Variants in ZNF337 observed in about 807,000 individuals in gnomAD.
ZNF337 encodes the protein zinc finger protein 337.
ZNF337 carries 8 observed loss-of-function variants against 12.1 expected under a neutral mutation model. The observed-to-expected ratio is 0.66, with a 90% CI of 0.39 to 1.19. ZNF337 has a LOEUF of 1.19. ZNF337 is among the 50% of genes most tolerant of loss of function. The pLI, the probability that ZNF337 is intolerant of heterozygous loss-of-function variation, is 0.01. For synonymous variants in ZNF337, 336 were observed against 320.0 expected (o/e 1.05, Z -0.53); for missense variants, 882 against 896.6 (o/e 0.98, Z 0.21).
At chr20:25,686,258 C>T (rs749135125) in intron 2 of ZNF337, 133 bp downstream of exon 2, 46 of 1,500,936 alleles carry the variant, frequency 3.1e-5, no homozygotes, top group Non-Finnish European at 3.4e-5. Flanking sequence ...TGCTGGAGGA[C>T]GCCAGGAAAG....
intron 4 of ZNF337, among the ~76,000 whole-genome samples, chr20:25,685,052 C>A (rs1569012494): frequency 6.6e-6 from 1 of 150,660 alleles, no homozygotes; most frequent in African/African-American, 2.5e-5. Context: ...ATGTAGCAAA[C>A]CAACATGGCA....
rs892481102 is a variant in ZNF337, at chr20:25,676,548, A to G, written c.740T>C (p.Leu247Pro). The change falls in exon 5 of 5, where the codon CTC (leucine) becomes CCC (proline). Residue 247 changes from leucine to proline, a missense_variant. Coordinates refer to ENST00000252979, the MANE Select transcript of ZNF337 (RefSeq NM_015655.4). The stretch of plus-strand genomic sequence containing the variant: ...CTGGTGTCTGAGGAGGTTGGCCTTG[A>G]GGCTGAAGCCTCGCCCACACACACT... Reference protein sequence around the residue: ...VCSVCGRGFSLKANLLRHQRT... With the variant: ...VCSVCGRGFSPKANLLRHQRT... 5 of 1,610,898 alleles carry G rather than the reference A, an allele frequency of 3.1e-6. No individual in the cohort carries two copies. Among genetic ancestry groups the G allele is most frequent in the African/African-American group, 2.7e-5 (2 of 73,728 alleles).
intron 3 of ZNF337, 116 bp downstream of exon 3, chr20:25,685,880 G>C: frequency 6.8e-7 from 1 of 1,476,156 alleles, no homozygotes; most frequent in Non-Finnish European, 9.1e-7. Flanking sequence ...CTTTACCAAA[G>C]CCAGACCTTC....
At chr20:25,696,086 ATC>A (rs1491235387) in intron 1 of ZNF337, among the ~76,000 whole-genome samples, 11 of 60,342 alleles carry the variant, frequency 1.8e-4, no homozygotes, top group African/African-American at 5.7e-4. Context: ...CCCCACGCAG[ATC>A]CCCCCCCCCC....
chr20:25,675,440 C>T lies in ZNF337; in HGVS notation c.1848G>A (p.Val616=). The change falls in exon 5 of 5, where the codon GTG becomes GTA. Residue 616 remains valine, a synonymous_variant. Coordinates refer to ENST00000252979, the MANE Select transcript of ZNF337 (RefSeq NM_015655.4). ...GQGFIWKSNL[V]KHQLAHSGKQ... is the part of the protein sequence containing the mutation. Reference sequence around the variant, plus strand: ...TGCCAGAATGTGCAAGCTGGTGTTTCACAAGATTTGACTTCCAGATAAATC... The same window carrying T: ...TGCCAGAATGTGCAAGCTGGTGTTTTACAAGATTTGACTTCCAGATAAATC... 1.2e-6 allele frequency: 2 copies of T among 1,613,232 alleles called. No homozygotes were observed. Among genetic ancestry groups the T allele is most frequent in the Non-Finnish European group, 1.7e-6 (2 of 1,179,840 alleles).
intron 1 of ZNF337, among the ~76,000 whole-genome samples, chr20:25,696,301 C>A (rs1282622951): frequency 6.6e-6 from 1 of 152,144 alleles, no homozygotes; most frequent in Non-Finnish European, 1.5e-5. Flanking sequence ...CCGAGTCGGA[C>A]CTAGCCCATC....
chr20:25,685,231 A>G (rs541526111), intron 4 of ZNF337, among the ~76,000 whole-genome samples: 1 of 152,320 alleles, frequency 6.6e-6, no homozygotes, highest in South Asian at 2.1e-4. Context: ...AACAAAACAA[A>G]AAGAAGCTAA....
rs1555885009 is a variant in ZNF337, at chr20:25,675,607, T to C, written c.1681A>G (p.Arg561Gly). ...KSFSLKANLL[R>G]HQWTHSGERP... Reference sequence around the variant, plus strand: ...TCCCCCGAGTGTGTCCACTGATGTCTAAGAAGATTTGCCTTCAAACTAAAA... The same window carrying C: ...TCCCCCGAGTGTGTCCACTGATGTCCAAGAAGATTTGCCTTCAAACTAAAA... Residue 561 changes from arginine to glycine, a missense_variant, in exon 5 of 5, where the codon AGA becomes GGA. Coordinates refer to ENST00000252979, the MANE Select transcript of ZNF337 (RefSeq NM_015655.4). 1 of 1,614,046 alleles carries C rather than the reference T, an allele frequency of 6.2e-7. No homozygotes were observed. The highest frequency in any genetic ancestry group is 8.5e-7 in the Non-Finnish European group (1 of 1,179,986).
At chr20:25,679,314 C>T (rs1315014849) in intron 4 of ZNF337, among the ~76,000 whole-genome samples, 1 of 152,102 alleles carries the variant, frequency 6.6e-6, no homozygotes, top group Non-Finnish European at 1.5e-5. Context: ...CAAAAATACA[C>T]ACATGAGACT....
At chr20:25,682,260 C>A (rs1210006202) in intron 4 of ZNF337, among the ~76,000 whole-genome samples, 1 of 151,862 alleles carries the variant, frequency 6.6e-6, no homozygotes, top group Admixed American at 6.6e-5. Flanking sequence ...ATATGATGAC[C>A]AGGATTTGCT....
intron 4 of ZNF337, among the ~76,000 whole-genome samples, chr20:25,678,716 C>CAGGCGG (rs1207477830): frequency 6.6e-6 from 1 of 152,068 alleles, no homozygotes; most frequent in East Asian, 1.9e-4. Flanking sequence ...GAGACTGTGG[C>CAGGCGG]AGGCGGATTG....
At chr20:25,686,292 G>A (rs1173639254) in intron 2 of ZNF337, 99 bp downstream of exon 2, 3 of 1,460,010 alleles carry the variant, frequency 2.1e-6, no homozygotes, top group Non-Finnish European at 2.9e-6. Context: ...CAGGAGCGGT[G>A]CTGGCCTTGG....
chr20:25,680,462 T>C (rs1600437874), intron 4 of ZNF337, among the ~76,000 whole-genome samples: 1 of 152,064 alleles, frequency 6.6e-6, no homozygotes, highest in African/African-American at 2.4e-5. Context: ...GATATTTATA[T>C]ATAAATGGAG....
chr20:25,682,380 G>A (rs2065778082), intron 4 of ZNF337, among the ~76,000 whole-genome samples: 2 of 151,970 alleles, frequency 1.3e-5, no homozygotes, highest in African/African-American at 4.8e-5. Flanking sequence ...TTAATAGTAG[G>A]CTAAAATATA....
At chr20:25,694,268 C>T (rs551082069) in intron 1 of ZNF337, among the ~76,000 whole-genome samples, 2 of 152,244 alleles carry the variant, frequency 1.3e-5, no homozygotes, top group Admixed American at 1.3e-4. Flanking sequence ...AGGCACAAAA[C>T]ATTTAAATGC....
intron 4 of ZNF337, among the ~76,000 whole-genome samples, chr20:25,684,814 T>C (rs1330855011): frequency 6.6e-6 from 1 of 152,222 alleles, no homozygotes; most frequent in Non-Finnish European, 1.5e-5. Context: ...GATGAGTTCA[T>C]GTCCTTTGCA....
In ZNF337 at chr20:25,675,388, C is replaced by T. The variant is rs200053406; in HGVS notation, c.1900G>A (p.Gly634Arg). 40 of 1,613,994 alleles carry T rather than the reference C, an allele frequency of 2.5e-5. No individual in the cohort carries two copies. The highest frequency in any genetic ancestry group is 1.5e-4 in the South Asian group (14 of 91,086). Residue 634 changes from glycine to arginine, a missense_variant, in exon 5 of 5, where the codon GGG (glycine) becomes AGG (arginine). Physicochemically the swap from Gly to Arg is moderately radical, Grantham distance 125. Coordinates refer to ENST00000252979, the MANE Select transcript of ZNF337 (RefSeq NM_015655.4). ...TTTCCCTTCCAGTTGAAGCCTCGCC[C>T]ACACTCCTTGCATACAAAAGGCTGC... Reference protein sequence around the residue: ...GKQPFVCKECGRGFNWKGNLL... With the variant: ...GKQPFVCKECRRGFNWKGNLL...
chr20:25,694,812 C>T (rs2065906963), intron 1 of ZNF337, among the ~76,000 whole-genome samples: 1 of 152,084 alleles, frequency 6.6e-6, no homozygotes, highest in Non-Finnish European at 1.5e-5. Context: ...ATTATTTTAC[C>T]CCAAAATATA....
Position 25,675,599 on chromosome 20 carries a change from C to CTGA in ZNF337, c.1686_1688dup (p.His562dup). The CTGA allele has an allele frequency of 6.2e-7, 1 of 1,614,012 alleles. No homozygotes were observed. The highest frequency in any genetic ancestry group is 1.3e-5 in the African/African-American group (1 of 74,976). ...ATGGCCTTTCCCCCGAGTGTGTCCA[C>CTGA]TGATGTCTAAGAAGATTTGCCTTCA... On this transcript the variant is annotated inframe_insertion, in exon 5 of 5. Transcript: ENST00000252979.
Sources: allele counts gnomAD v4.1 joint callset (sites outside exome capture counted in the v4.1 genomes callset), GRCh38; gene constraint gnomAD v4.1.1; transcripts MANE v1.5; gene names NCBI Gene and HGNC (gene_info 2026-07-23, HGNC 2026-07-21).